FBXL13: variants seen among roughly 807,000 people sequenced by gnomAD.
FBXL13 encodes the protein F-box and leucine rich repeat protein 13.
A neutral mutation model predicts 83.6 loss-of-function variants in FBXL13; 67 were observed. The ratio of observed to expected loss-of-function variants is 0.80; its 90% confidence interval spans 0.66 to 0.98. The LOEUF is 0.98. Ranked by LOEUF, FBXL13 falls within the 50% of genes least tolerant of loss-of-function variation. The pLI is 0.00. For synonymous variants in FBXL13, 272 were observed against 299.5 expected, an observed-to-expected ratio of 0.91 and a Z score of 0.95; for missense variants, 822 against 866.5, an observed-to-expected ratio of 0.95 and a Z score of 0.64.
chr7:102,862,328 CA>C (rs111697845), intron 16 of FBXL13, among the ~76,000 whole-genome samples: 17,582 of 96,620 alleles, frequency 0.18, 1,121 homozygotes, highest in East Asian at 0.3. Context: ...GAATCTGTCT[CA>C]AAAAAAAAAA....
At chr7:102,910,969 T>G (rs1032843004) in intron 11 of FBXL13, among the ~76,000 whole-genome samples, 16 of 152,108 alleles carry the variant, frequency 1.1e-4, no homozygotes, top group Admixed American at 3.9e-4. Context: ...CCATGTTGCC[T>G]AGGCTGGTCT....
intron 17 of FBXL13, among the ~76,000 whole-genome samples, chr7:102,850,854 G>C (rs896321686): frequency 6.6e-6 from 1 of 152,054 alleles, no homozygotes; most frequent in African/African-American, 2.4e-5. Flanking sequence ...TCTAAAATTG[G>C]GGGAAATTGA....
chr7:103,042,013 T>C (rs937152138), intron 2 of FBXL13, among the ~76,000 whole-genome samples: 2 of 152,128 alleles, frequency 1.3e-5, no homozygotes, highest in Non-Finnish European at 2.9e-5. Flanking sequence ...GGTATTCAAT[T>C]AGGAAAAGAG....
At chr7:102,859,308 T>C (rs1355983376) in intron 16 of FBXL13, among the ~76,000 whole-genome samples, 1 of 152,098 alleles carries the variant, frequency 6.6e-6, no homozygotes, top group Non-Finnish European at 1.5e-5. Context: ...CCACTAAAAA[T>C]TGCCTCATGC....
chr7:102,969,958 A>C (rs1329514869), intron 6 of FBXL13, among the ~76,000 whole-genome samples: 2 of 152,300 alleles, frequency 1.3e-5, no homozygotes, highest in African/African-American at 4.8e-5. Flanking sequence ...CCTGGTATCA[A>C]AAAGATCTCT....
chr7:102,950,659 G>T (rs558013643), intron 8 of FBXL13, among the ~76,000 whole-genome samples: 1 of 152,106 alleles, frequency 6.6e-6, no homozygotes, highest in South Asian at 2.1e-4. Flanking sequence ...TCAGACAATG[G>T]AATATTATTC....
intron 2 of FBXL13, among the ~76,000 whole-genome samples, chr7:103,052,994 T>C (rs1585572230): frequency 6.6e-6 from 1 of 151,828 alleles, no homozygotes; most frequent in East Asian, 1.9e-4. Context: ...TGACCTCAGG[T>C]GATCCACCCG....
chr7:103,014,695 G>A (rs1328713855), intron 6 of FBXL13, among the ~76,000 whole-genome samples: 3 of 151,876 alleles, frequency 2.0e-5, no homozygotes, highest in East Asian at 1.9e-4. Flanking sequence ...AGGCCGAGGC[G>A]GGTGGATCAT....
chr7:102,987,279 T>C (rs1241785131), intron 6 of FBXL13, among the ~76,000 whole-genome samples: 1 of 152,150 alleles, frequency 6.6e-6, no homozygotes, highest in Non-Finnish European at 1.5e-5. Flanking sequence ...AGAAACCACT[T>C]GTACACCTAA....
intron 19 of FBXL13, 120 bp downstream of exon 20, chr7:102,821,919 TA>T (rs999111758): frequency 1.5e-5 from 17 of 1,141,408 alleles, no homozygotes; most frequent in Non-Finnish European, 1.2e-6. Flanking sequence ...AGGCAAAAAA[TA>T]AAATGAAATG....
intron 2 of FBXL13, among the ~76,000 whole-genome samples, chr7:103,036,679 T>C (rs970848948): frequency 2.6e-5 from 4 of 152,114 alleles, no homozygotes; most frequent in African/African-American, 7.2e-5. Context: ...ACGTAGCTAA[T>C]TTTTGTATTT....
intron 16 of FBXL13, among the ~76,000 whole-genome samples, chr7:102,867,615 T>A (rs1807855732): frequency 6.9e-6 from 1 of 145,178 alleles, no homozygotes; most frequent in Non-Finnish European, 1.5e-5. Context: ...ATTGATACTG[T>A]AAGCAGTGTG....
intron 5 of FBXL13, 40 bp from the exon 7 acceptor site, chr7:103,025,270 T>A: frequency 7.3e-7 from 1 of 1,376,232 alleles, no homozygotes; most frequent in Non-Finnish European, 1.0e-6. Context: ...GGAATTGCTG[T>A]AACGGTCAAG....
chr7:102,976,090 C>G (rs759768705), intron 6 of FBXL13: 1 of 766,450 alleles, frequency 1.3e-6, no homozygotes, highest in African/African-American at 1.7e-5. Flanking sequence ...CAAGGACCAC[C>G]CCCATCCCTT....
intron 18 of FBXL13, among the ~76,000 whole-genome samples, chr7:102,826,333 G>A (rs977171665): frequency 6.6e-6 from 1 of 152,132 alleles, no homozygotes; most frequent in African/African-American, 2.4e-5. Flanking sequence ...ATCTAATGCA[G>A]TAAGAAATAA....
intron 1 of FBXL13, among the ~76,000 whole-genome samples, chr7:103,057,312 T>C (rs1797430627): frequency 6.6e-6 from 1 of 152,220 alleles, no homozygotes. Context: ...AGGGTTTGCA[T>C]TACTTGAGGA....
intron 6 of FBXL13, among the ~76,000 whole-genome samples, chr7:102,986,017 GC>G (rs112694559): frequency 0.035 from 5,147 of 147,908 alleles, 121 homozygotes; most frequent in South Asian, 0.046. Flanking sequence ...CTGGCACGAT[GC>G]CCCCCCCCCA....
chr7:102,906,975 T>G (rs79941471), intron 11 of FBXL13, among the ~76,000 whole-genome samples: 2,947 of 151,694 alleles, frequency 0.019, 121 homozygotes, highest in East Asian at 0.16. Flanking sequence ...TTTGTTTTTG[T>G]TTTTTTTGGT....
At chr7:102,941,919 C>T (rs1430849862) in intron 8 of FBXL13, among the ~76,000 whole-genome samples, 2 of 152,012 alleles carry the variant, frequency 1.3e-5, no homozygotes, top group Non-Finnish European at 2.9e-5. Context: ...ATGGACTTGC[C>T]TTGCTTCTAC....
Sources: gnomAD v4.1 joint callset for allele counts (sites outside exome capture counted in the v4.1 genomes callset) on GRCh38, gnomAD v4.1.1 for gene constraint, MANE v1.5 for transcripts, NCBI Gene and HGNC (gene_info 2026-07-23, HGNC 2026-07-21) for gene names.